ENTREP2: variants seen among roughly 807,000 people sequenced by gnomAD.
ENTREP2 encodes the protein endosomal transmembrane epsin interactor 2, also known as protein ENTREP2.
At chr15:29,427,696 T>C in the ENTREP2 span, among the ~76,000 whole-genome samples, 1 of 152,168 alleles carries the variant, frequency 6.6e-6, no homozygotes, top group Non-Finnish European at 1.5e-5. Context: ...ATACCCGGCA[T>C]AACCTCCCCA....
the ENTREP2 span, among the ~76,000 whole-genome samples, chr15:29,207,572 T>C: frequency 6.6e-6 from 1 of 152,146 alleles, no homozygotes; most frequent in Non-Finnish European, 1.5e-5. Context: ...AGAATCCTGC[T>C]GATTGGTGCA....
At chr15:29,345,474 G>A in the ENTREP2 span, among the ~76,000 whole-genome samples, 1 of 152,108 alleles carries the variant, frequency 6.6e-6, no homozygotes, top group Non-Finnish European at 1.5e-5. Context: ...TCTGCTTTCT[G>A]CACCAAGGCC....
the ENTREP2 span, among the ~76,000 whole-genome samples, chr15:29,414,820 A>G: frequency 6.6e-6 from 1 of 152,192 alleles, no homozygotes; most frequent in Non-Finnish European, 1.5e-5. Context: ...AGGGGATATC[A>G]CCACCGATCC....
At chr15:29,618,379 C>A in the ENTREP2 span, among the ~76,000 whole-genome samples, 1 of 150,338 alleles carries the variant, frequency 6.7e-6, no homozygotes, top group East Asian at 2.0e-4. Flanking sequence ...GCTGAGATCA[C>A]GCCATTGCAC....
At chr15:29,601,937 G>A in the ENTREP2 span, among the ~76,000 whole-genome samples, 1 of 152,224 alleles carries the variant, frequency 6.6e-6, no homozygotes, top group Non-Finnish European at 1.5e-5. Context: ...TGACTGTGGT[G>A]CGCATCTGTT....
the ENTREP2 span, among the ~76,000 whole-genome samples, chr15:29,423,021 A>G: frequency 6.6e-6 from 1 of 152,230 alleles, no homozygotes; most frequent in East Asian, 1.9e-4. Flanking sequence ...AAGAACACAT[A>G]TAAAAATGGG....
At chr15:29,387,626 G>T in the ENTREP2 span, among the ~76,000 whole-genome samples, 2 of 152,040 alleles carry the variant, frequency 1.3e-5, no homozygotes, top group Non-Finnish European at 2.9e-5. Flanking sequence ...CTACTTTAAA[G>T]TTCATATGGA....
chr15:29,234,045 C>G, the ENTREP2 span: 2 of 1,460,290 alleles, frequency 1.4e-6, no homozygotes, highest in African/African-American at 1.4e-5. Flanking sequence ...CTTCCTCATC[C>G]TCTATTGCTT....
At chr15:29,554,643 G>C in the ENTREP2 span, among the ~76,000 whole-genome samples, 2 of 152,130 alleles carry the variant, frequency 1.3e-5, no homozygotes, top group Non-Finnish European at 2.9e-5. Context: ...TAAGTGTGCT[G>C]AAGGAAAATA....
the ENTREP2 span, among the ~76,000 whole-genome samples, chr15:29,628,899 G>T: frequency 5.9e-5 from 9 of 152,170 alleles, no homozygotes; most frequent in Admixed American, 1.3e-4. Context: ...ACAAGTGGGC[G>T]CCAACACACC....
the ENTREP2 span, among the ~76,000 whole-genome samples, chr15:29,278,105 C>T: frequency 6.6e-6 from 1 of 152,312 alleles, no homozygotes; most frequent in East Asian, 1.9e-4. Context: ...CAGGCCCCGC[C>T]TCTCTGATCC....
At chr15:29,488,472 G>A in the ENTREP2 span, among the ~76,000 whole-genome samples, 1 of 152,118 alleles carries the variant, frequency 6.6e-6, no homozygotes, top group African/African-American at 2.4e-5. Flanking sequence ...CAGAAGGAGA[G>A]GTGCGAGTGA....
chr15:29,224,305 A>C, the ENTREP2 span, among the ~76,000 whole-genome samples: 1 of 152,026 alleles, frequency 6.6e-6, no homozygotes, highest in Non-Finnish European at 1.5e-5. Flanking sequence ...ACAGGTGATA[A>C]AGGCAGTTTG....
chr15:29,663,672 T>C, the ENTREP2 span, among the ~76,000 whole-genome samples: 2 of 151,676 alleles, frequency 1.3e-5, no homozygotes, highest in Non-Finnish European at 2.9e-5. Flanking sequence ...ATGAGAACAC[T>C]TGGACACAGG....
the ENTREP2 span, among the ~76,000 whole-genome samples, chr15:29,532,379 C>A: frequency 6.6e-6 from 1 of 152,042 alleles, no homozygotes; most frequent in Non-Finnish European, 1.5e-5. Flanking sequence ...GCATTCATGG[C>A]CGAGATACAC....
At chr15:29,220,390 T>C in the ENTREP2 span, among the ~76,000 whole-genome samples, 7 of 152,364 alleles carry the variant, frequency 4.6e-5, no homozygotes, top group East Asian at 1.3e-3. Context: ...TGGCTCTGCA[T>C]TGCATTTATT....
At chr15:29,558,203 T>C in the ENTREP2 span, among the ~76,000 whole-genome samples, 2 of 151,964 alleles carry the variant, frequency 1.3e-5, no homozygotes, top group Non-Finnish European at 2.9e-5. Flanking sequence ...GAGAAAGAGG[T>C]GTGAGGGCAC....
chr15:29,141,669 C>A, the ENTREP2 span, among the ~76,000 whole-genome samples: 1 of 152,208 alleles, frequency 6.6e-6, no homozygotes, highest in South Asian at 2.1e-4. Flanking sequence ...GCACACACAC[C>A]TCTGAATTTT....
the ENTREP2 span, among the ~76,000 whole-genome samples, chr15:29,515,121 C>A: frequency 6.6e-6 from 1 of 152,170 alleles, no homozygotes; most frequent in South Asian, 2.1e-4. Flanking sequence ...GGGGACTTCC[C>A]AAAGTCTCAA....
Sources: gnomAD v4.1 joint callset for allele counts (sites outside exome capture counted in the v4.1 genomes callset) on GRCh38, gnomAD v4.1.1 for gene constraint, MANE v1.5 for transcripts, NCBI Gene and HGNC (gene_info 2026-07-23, HGNC 2026-07-21) for gene names.